PXDN: variants seen among roughly 807,000 people sequenced by gnomAD.
The protein encoded by PXDN is peroxidasin homolog.
Under a neutral mutation model 140.3 loss-of-function variants are expected in PXDN, and 77 were observed. That is an observed-to-expected ratio of 0.55 (90% CI 0.46 to 0.66). PXDN has a LOEUF of 0.66. Ranked by LOEUF, PXDN falls within the 30% of genes least tolerant of loss-of-function variation. The pLI is 0.00. For synonymous variants in PXDN, 911 were observed against 857.4 expected (o/e 1.06, Z -1.09); for missense variants, 1,838 against 2,039.5 (o/e 0.90, Z 1.90).
chr2:1,717,352 G>A (rs906661992), intron 1 of PXDN, among the ~76,000 whole-genome samples: 23 of 152,048 alleles, frequency 1.5e-4, no homozygotes, highest in Admixed American at 5.2e-4. Context: ...TCGGTTCTGC[G>A]GATCAGTCCA....
chr2:1,666,150 C>G, intron 10 of PXDN, 64 bp downstream of exon 10: 1 of 1,581,966 alleles, frequency 6.3e-7, no homozygotes. Flanking sequence ...TATGGCAGCG[C>G]GAGCTAGTGG....
intron 1 of PXDN, 69 bp downstream of exon 1, chr2:1,744,187 C>T: frequency 7.7e-7 from 1 of 1,304,408 alleles, no homozygotes; most frequent in Non-Finnish European, 9.9e-7. Context: ...CACCTCCGAT[C>T]ACCCCTGCGC....
intron 9 of PXDN, among the ~76,000 whole-genome samples, chr2:1,671,367 A>C (rs1228625155): frequency 1.3e-5 from 2 of 152,216 alleles, no homozygotes; most frequent in East Asian, 1.9e-4. Context: ...TAACTACAAT[A>C]AACATATTTA....
In PXDN at chr2:1,660,577, C is replaced by T. The variant is rs1412070396; in HGVS notation, c.1837+304G>A. Reference sequence around the variant, plus strand: ...GTCATTTCTGGACAGATGTGGATGACCCCGGAGCAAAGCTCTGCCCAGTGG... The same window carrying T: ...GTCATTTCTGGACAGATGTGGATGATCCCGGAGCAAAGCTCTGCCCAGTGG... On this transcript the variant is annotated intron_variant, in intron 14 of 22. Transcript: ENST00000252804. This position sits in a 1 kb window ranked among gnomAD's most constrained non-coding sequence, Gnocchi z 4.6. Among the ~76,000 whole-genome samples the T allele has an allele frequency of 6.6e-6, 1 of 152,186 alleles. No individual in the cohort carries two copies. Among genetic ancestry groups the T allele is most frequent in the Admixed American group, 6.5e-5 (1 of 15,280 alleles).
chr2:1,680,119 A>T, intron 7 of PXDN, 74 bp downstream of exon 7: 2 of 1,443,526 alleles, frequency 1.4e-6, no homozygotes, highest in South Asian at 2.7e-5. Context: ...GTGTGTGTAG[A>T]TGGTGTGTGT....
At chr2:1,744,150 G>T in intron 1 of PXDN, 106 bp downstream of exon 1, 1 of 920,406 alleles carries the variant, frequency 1.1e-6, no homozygotes, top group Non-Finnish European at 1.4e-6. Context: ...CCGCGCGCCC[G>T]ATGCCCCCTC....
At chr2:1,736,892 A>T (rs574261143) in intron 1 of PXDN, among the ~76,000 whole-genome samples, 15 of 152,222 alleles carry the variant, frequency 9.9e-5, no homozygotes, top group Non-Finnish European at 1.5e-4. Context: ...CAAATCAGGT[A>T]ACAGTCACTG....
chr2:1,727,670 A>T (rs1685220544), intron 1 of PXDN, among the ~76,000 whole-genome samples: 1 of 152,188 alleles, frequency 6.6e-6, no homozygotes, highest in Admixed American at 6.5e-5. Flanking sequence ...ACCACAGGTC[A>T]GTGGAGTCCA....
chr2:1,645,084 C>T (rs898598711), intron 17 of PXDN, among the ~76,000 whole-genome samples: 1 of 152,074 alleles, frequency 6.6e-6, no homozygotes, highest in African/African-American at 2.4e-5. Context: ...AATGTATACC[C>T]TTCCAATCTT....
chr2:1,659,015 G>A (rs1191427539), intron 14 of PXDN, among the ~76,000 whole-genome samples: 1 of 152,180 alleles, frequency 6.6e-6, no homozygotes, highest in Non-Finnish European at 1.5e-5. Flanking sequence ...CCATGGAGCC[G>A]AGTGCCTGGC....
intron 6 of PXDN, 98 bp from the exon 7 acceptor site, chr2:1,680,460 T>C: frequency 7.2e-7 from 1 of 1,394,234 alleles, no homozygotes; most frequent in Non-Finnish European, 1.0e-6. Context: ...GGGAAACATG[T>C]GCCAGGCCTG....
rs1458714376 is a variant in PXDN at position 1,649,695 on chromosome 2, A to C, written c.2105-20T>G. On this transcript the variant is annotated intron_variant, in intron 16 of 22. Transcript: ENST00000252804. This position sits in a 1 kb window ranked among gnomAD's most constrained non-coding sequence, Gnocchi z 7.1. ...GGTAACCTGGGACGTGGAGAAAAGC[A>C]AGACGCACTCAATTCCCCTGGAGGA... is the stretch of plus-strand genomic sequence containing the variant. 2 of 1,612,624 alleles carry C rather than the reference A, an allele frequency of 1.2e-6. No homozygotes were observed. Among genetic ancestry groups the C allele is most frequent in the African/African-American group, 2.7e-5 (2 of 74,894 alleles).
Position 1,661,031 on chromosome 2 carries a change from C to T in PXDN, c.1687G>A (p.Val563Ile). Residue 563 changes from valine (V) to isoleucine (I), a missense_variant, in exon 14 of 23, where the codon GTT becomes ATT. This residue lies in a region of PXDN where 537 missense variants were observed against 583.9 expected (regional missense o/e 0.92). Coordinates refer to ENST00000252804, the MANE Select transcript of PXDN (RefSeq NM_012293.3). ...AATTTTCCACTTTCTGTCACCTGAACCCCATCCTGGAGCAAAACAGAATGA... is the reference window on the plus strand; with the variant it reads ...AATTTTCCACTTTCTGTCACCTGAATCCCATCCTGGAGCAAAACAGAATGA... ...EPAITWNKDG[V>I]QVTESGKFHI... is the part of the protein sequence containing the mutation. 2 of 1,613,952 alleles carry T rather than the reference C, an allele frequency of 1.2e-6. No homozygotes were observed. The highest frequency in any genetic ancestry group is 1.6e-4 in the Middle Eastern group (1 of 6,062).
chr2:1,739,086 G>A lies in PXDN; in HGVS notation c.200+5170C>T, dbSNP rs549325491. 7.0e-4 allele frequency among the ~76,000 whole-genome samples: 106 copies of A among 152,262 alleles called. 1 individual carries two copies. Among genetic ancestry groups the A allele is most frequent in the Admixed American group, 3.8e-3 (58 of 15,292 alleles). ...AAGATCAGATGCCTTCCATGGCCCC[G>A]GAAGGTAGTCATGCGCTCCAGACCC... is the stretch of plus-strand genomic sequence containing the variant. On this transcript the variant is annotated intron_variant, in intron 1 of 22. Coordinates refer to ENST00000252804, the MANE Select transcript of PXDN (RefSeq NM_012293.3).
intron 1 of PXDN, among the ~76,000 whole-genome samples, chr2:1,743,650 GGGAGGAGGAGGGGAAGGGA>G (rs1685603056): frequency 6.9e-6 from 1 of 144,576 alleles, no homozygotes; most frequent in African/African-American, 2.6e-5. Flanking sequence ...AAGGAAGGGG[GGGAGGAGGAGGGGAAGGGA>G]GGAGGAGGAG....
chr2:1,636,479 T>A (rs1018703784), intron 21 of PXDN: 2 of 152,156 alleles, frequency 1.3e-5, no homozygotes, highest in Non-Finnish European at 2.9e-5. Context: ...TATGCACACA[T>A]CATGCTGAAA....
chr2:1,731,344 G>C (rs11902947), intron 1 of PXDN, among the ~76,000 whole-genome samples: 1 of 125,514 alleles, frequency 8.0e-6, no homozygotes, highest in South Asian at 2.4e-4. Context: ...TTCCTGGACA[G>C]GCAGCTGACC....
intron 1 of PXDN, among the ~76,000 whole-genome samples, chr2:1,716,629 G>A (rs1339322152): frequency 6.6e-6 from 1 of 152,098 alleles, no homozygotes; most frequent in African/African-American, 2.4e-5. Flanking sequence ...TTGGCATGGA[G>A]GCCCAGTGTG....
intron 1 of PXDN, among the ~76,000 whole-genome samples, chr2:1,709,430 G>A (rs1369602565): frequency 6.6e-6 from 1 of 152,132 alleles, no homozygotes; most frequent in Admixed American, 6.5e-5. Context: ...GTGAGGAAAG[G>A]ACCTCTAACG....
Sources: allele counts gnomAD v4.1 joint callset (sites outside exome capture counted in the v4.1 genomes callset), GRCh38; gene constraint gnomAD v4.1.1; regional missense constraint gnomAD v4.1.1; non-coding constraint Gnocchi (gnomAD v3.1); transcripts MANE v1.5; gene names NCBI Gene and HGNC (gene_info 2026-07-23, HGNC 2026-07-21).